NLGN1: variants seen among roughly 807,000 people sequenced by gnomAD.
The protein encoded by NLGN1 is neuroligin-1.
In NLGN1, 12 loss-of-function variants were observed where a neutral mutation model predicts 65.5. That is an observed-to-expected ratio of 0.18 (90% confidence interval 0.12 to 0.30). NLGN1 has a LOEUF of 0.30. NLGN1 is among the 10% of genes least tolerant of loss of function. The pLI, the probability that NLGN1 is intolerant of heterozygous loss-of-function variation, is 1.00. For synonymous variants in NLGN1, 350 were observed against 359.5 expected (o/e 0.97, Z 0.30); for missense variants, 750 against 1,007.1 (o/e 0.74, Z 3.46).
chr3:174,194,786 TAAAA>T (rs548336247), intron 4 of NLGN1, among the ~76,000 whole-genome samples: 2 of 104,636 alleles, frequency 1.9e-5, no homozygotes, highest in Non-Finnish European at 2.0e-5. Flanking sequence ...ACCTATTCAC[TAAAA>T]AAAAAAAAAA....
chr3:173,457,916 T>C (rs1318465996), intron 2 of NLGN1, among the ~76,000 whole-genome samples: 3 of 151,976 alleles, frequency 2.0e-5, no homozygotes, highest in Non-Finnish European at 4.4e-5. Flanking sequence ...GTGTGTGTAA[T>C]AGGAGTTAGG....
intron 2 of NLGN1, among the ~76,000 whole-genome samples, chr3:173,565,598 G>T (rs1175748290): frequency 1.3e-5 from 2 of 152,064 alleles, no homozygotes; most frequent in African/African-American, 4.8e-5. Flanking sequence ...AGAGATGTAG[G>T]TTTATTACAT....
intron 4 of NLGN1, among the ~76,000 whole-genome samples, chr3:174,025,513 A>G (rs1174431097): frequency 6.6e-6 from 1 of 152,168 alleles, no homozygotes; most frequent in Non-Finnish European, 1.5e-5. Flanking sequence ...ATCACCAACA[A>G]CAATAATTTT....
chr3:173,792,604 A>G (rs996001412), intron 3 of NLGN1, among the ~76,000 whole-genome samples: 6 of 152,148 alleles, frequency 3.9e-5, no homozygotes, highest in African/African-American at 9.7e-5. Flanking sequence ...GGATGAAGTC[A>G]CTGTTTTGTT....
intron 1 of NLGN1, among the ~76,000 whole-genome samples, chr3:173,427,224 C>T (rs1259076962): frequency 1.3e-5 from 2 of 151,910 alleles, no homozygotes; most frequent in African/African-American, 2.4e-5. Context: ...ATTAGTCACA[C>T]TAAGGTTTAT....
intron 1 of NLGN1, among the ~76,000 whole-genome samples, chr3:173,426,821 A>G (rs939731986): frequency 6.6e-6 from 1 of 152,020 alleles, no homozygotes; most frequent in African/African-American, 2.4e-5. Flanking sequence ...TTTTGGTTTC[A>G]GGGTAATGTT....
chr3:173,888,298 A>C (rs1734724865), intron 4 of NLGN1, among the ~76,000 whole-genome samples: 1 of 152,064 alleles, frequency 6.6e-6, no homozygotes, highest in African/African-American at 2.4e-5. Flanking sequence ...TCCGTTATAC[A>C]AAATGGTATA....
chr3:173,679,523 T>C (rs904181995), intron 3 of NLGN1, among the ~76,000 whole-genome samples: 3 of 152,030 alleles, frequency 2.0e-5, no homozygotes, highest in Non-Finnish European at 2.9e-5. Context: ...GTTATCTCCA[T>C]GTGTTGGAAT....
intron 3 of NLGN1, among the ~76,000 whole-genome samples, chr3:173,665,869 G>GT (rs1373547468): frequency 6.6e-6 from 1 of 152,038 alleles, no homozygotes; most frequent in Non-Finnish European, 1.5e-5. Flanking sequence ...AATTATTCAT[G>GT]TTTTTTTGGA....
chr3:174,089,643 TA>T (rs1263549624), intron 4 of NLGN1, among the ~76,000 whole-genome samples: 1 of 152,174 alleles, frequency 6.6e-6, no homozygotes, highest in African/African-American at 2.4e-5. Flanking sequence ...TTAAAGTAGT[TA>T]ATATATATTA....
rs150312023 is a variant in NLGN1 at position 173,847,546 on chromosome 3, A to G, written c.646+39714A>G. ...AGAAGTTTTTAAAAAGCTGTATTCT[A>G]TTATTTTACACACTTAAAAATTTGT... On this transcript the variant is annotated intron_variant, in intron 4 of 6. Transcript: ENST00000457714. 5.6e-4 allele frequency among the ~76,000 whole-genome samples: 85 copies of G among 152,324 alleles called. 2 individuals carry two copies. The East Asian group carries it at 0.014, about 25-fold the overall frequency.
intron 4 of NLGN1, among the ~76,000 whole-genome samples, chr3:173,952,777 CT>C (rs201322891): frequency 0.02 from 2,811 of 138,036 alleles, 34 homozygotes; most frequent in Admixed American, 0.07. Flanking sequence ...TAAAATTTAC[CT>C]TTTTTTTTTT....
At chr3:173,886,920 A>G (rs1329862702) in intron 4 of NLGN1, among the ~76,000 whole-genome samples, 1 of 152,084 alleles carries the variant, frequency 6.6e-6, no homozygotes, top group Admixed American at 6.6e-5. Context: ...TCAAGAAAAA[A>G]TTGATTTAAA....
intron 4 of NLGN1, among the ~76,000 whole-genome samples, chr3:174,237,221 T>G (rs1331581154): frequency 6.6e-6 from 1 of 152,218 alleles, no homozygotes; most frequent in Non-Finnish European, 1.5e-5. Context: ...TTAAAGTCAT[T>G]GTCAAAACAA....
intron 4 of NLGN1, among the ~76,000 whole-genome samples, chr3:173,827,629 ATGTGTG>A (rs59670610): frequency 3.3e-4 from 49 of 147,000 alleles, no homozygotes; most frequent in African/African-American, 8.6e-4. Context: ...TATTTATGAT[ATGTGTG>A]TGTGTGTGTG....
chr3:173,731,542 T>A (rs1185140681), intron 3 of NLGN1, among the ~76,000 whole-genome samples: 1 of 152,074 alleles, frequency 6.6e-6, no homozygotes, highest in Non-Finnish European at 1.5e-5. Flanking sequence ...TGATAAATAG[T>A]ATTGTGTAGC....
intron 4 of NLGN1, among the ~76,000 whole-genome samples, chr3:173,853,777 T>G (rs556119337): frequency 6.6e-6 from 1 of 152,196 alleles, no homozygotes; most frequent in South Asian, 2.1e-4. Context: ...CTCATGATTT[T>G]AGGAATATCA....
chr3:173,509,404 T>G (rs1185485497), intron 2 of NLGN1, among the ~76,000 whole-genome samples: 1 of 152,158 alleles, frequency 6.6e-6, no homozygotes, highest in Non-Finnish European at 1.5e-5. Flanking sequence ...AAAAATGTAT[T>G]TAGTTCGTGA....
chr3:173,616,422 TGA>T (rs746851494), intron 3 of NLGN1, among the ~76,000 whole-genome samples: 7 of 152,078 alleles, frequency 4.6e-5, no homozygotes, highest in Non-Finnish European at 8.8e-5. Context: ...GGACTCAAAA[TGA>T]GAGTTTTCAC....
Sources: gnomAD v4.1 joint callset for allele counts (sites outside exome capture counted in the v4.1 genomes callset) on GRCh38, gnomAD v4.1.1 for gene constraint, MANE v1.5 for transcripts, NCBI Gene and HGNC (gene_info 2026-07-23, HGNC 2026-07-21) for gene names.